THRB: variants seen among roughly 807,000 people sequenced by gnomAD.
The protein encoded by THRB is thyroid hormone receptor beta, also known as nuclear receptor subfamily 1 group A member 2.
THRB carries 12 observed loss-of-function variants against 47.8 expected under a neutral mutation model. The ratio of observed to expected loss-of-function variants is 0.25; its 90% confidence interval spans 0.16 to 0.41. The LOEUF is 0.41. Ranked by LOEUF, THRB falls within the 10% of genes least tolerant of loss-of-function variation. The pLI is 1.00. For synonymous variants in THRB, 218 were observed against 212.2 expected (o/e 1.03, Z -0.24); for missense variants, 348 against 589.2 (o/e 0.59, Z 4.24).
rs151083149 is a variant in THRB at position 24,489,157 on chromosome 3, C to T, written c.-261+5495G>A. 8.7e-3 allele frequency among the ~76,000 whole-genome samples: 1,323 copies of T among 151,848 alleles called. 26 individuals carry two copies. The highest frequency in any genetic ancestry group is 0.029 in the African/African-American group (1,189 of 41,370). Reference sequence around the variant, plus strand: ...TAATTACGGCTAAGGCACAAGAATCCCTTGAACCTAGGAGGTGGAGGTTGC... The same window carrying T: ...TAATTACGGCTAAGGCACAAGAATCTCTTGAACCTAGGAGGTGGAGGTTGC... On this transcript the variant is annotated intron_variant, in intron 1 of 10. Transcript: ENST00000646209.
intron 2 of THRB, among the ~76,000 whole-genome samples, chr3:24,323,749 T>C (rs1020476094): frequency 3.3e-5 from 5 of 152,226 alleles, no homozygotes; most frequent in East Asian, 1.9e-4. Flanking sequence ...TAGAAATTTA[T>C]CTAAATAGGA....
chr3:24,133,442 T>A lies in THRB; in HGVS notation c.759A>T (p.Ala253=). 1 of 1,614,120 alleles carries A rather than the reference T, an allele frequency of 6.2e-7. No homozygotes were observed. The highest frequency in any genetic ancestry group is 8.5e-7 in the Non-Finnish European group (1 of 1,180,010). The change falls in exon 9 of 11, where the codon GCA becomes GCT. Residue 253 remains alanine, a synonymous_variant. Coordinates refer to ENST00000646209, the MANE Select transcript of THRB (RefSeq NM_001354712.2). ...CACCTTCTGGGGCATTGACTATTGGTGCTTGTCCAATGTCTTCTGGCTAAG... is the reference window on the plus strand; with the variant it reads ...CACCTTCTGGGGCATTGACTATTGGAGCTTGTCCAATGTCTTCTGGCTAAG... ...RKFLPEDIGQ[A]PIVNAPEGGK...
At chr3:24,447,096 C>A (rs952376249) in intron 1 of THRB, among the ~76,000 whole-genome samples, 3 of 152,116 alleles carry the variant, frequency 2.0e-5, no homozygotes, top group Non-Finnish European at 2.9e-5. Context: ...AACTATTTAG[C>A]AACATATATT....
chr3:24,126,521 C>T (rs2032848085), intron 10 of THRB, among the ~76,000 whole-genome samples: 1 of 152,208 alleles, frequency 6.6e-6, no homozygotes, highest in African/African-American at 2.4e-5. Context: ...CTATTGCACA[C>T]TGGCCTAGGT....
At chr3:24,388,951 C>T (rs889723726) in intron 1 of THRB, among the ~76,000 whole-genome samples, 1 of 152,158 alleles carries the variant, frequency 6.6e-6, no homozygotes, top group African/African-American at 2.4e-5. Flanking sequence ...AGCAGCTGTT[C>T]TAATCATGCT....
chr3:24,274,458 A>G (rs1456911478), intron 3 of THRB, among the ~76,000 whole-genome samples: 2 of 152,302 alleles, frequency 1.3e-5, no homozygotes, highest in African/African-American at 4.8e-5. Flanking sequence ...GCACAGTATT[A>G]CCAAATATTA....
In THRB at chr3:24,269,442, C is replaced by CACAT. The variant is rs58200122; in HGVS notation, c.-43+27783_-43+27784insATGT. ...ACACACACACACACACACACACACA[C>CACAT]TTAAGTTATCTTCGCTGTGTTGTCC... On this transcript the variant is annotated intron_variant, in intron 3 of 10. Coordinates refer to ENST00000646209, the MANE Select transcript of THRB (RefSeq NM_001354712.2). Among the ~76,000 whole-genome samples the CACAT allele has an allele frequency of 5.0e-3, 700 of 141,008 alleles. 14 individuals carry two copies. The highest frequency in any genetic ancestry group is 0.02 in the East Asian group (92 of 4,564). 92.5% of individuals were successfully genotyped at this position (141,008 alleles called of 152,430 possible). A position where few individuals can be genotyped will look rare whatever the true frequency, so the allele number is the denominator to read the frequency against.
chr3:24,303,685 A>G (rs1035974980), intron 2 of THRB, among the ~76,000 whole-genome samples: 8 of 152,176 alleles, frequency 5.3e-5, no homozygotes, highest in Admixed American at 2.6e-4. Flanking sequence ...TCTTACGTCT[A>G]ATTTTACTAC....
chr3:24,368,923 C>T (rs1412112013), intron 1 of THRB, among the ~76,000 whole-genome samples: 6 of 152,228 alleles, frequency 3.9e-5, no homozygotes, highest in East Asian at 1.9e-4. Flanking sequence ...TATGAAGGTT[C>T]GGAGGGGAGA....
chr3:24,138,215 C>T (rs2034951918), intron 8 of THRB, among the ~76,000 whole-genome samples: 2 of 152,234 alleles, frequency 1.3e-5, no homozygotes, highest in Admixed American at 6.5e-5. Context: ...CTGACACATG[C>T]AGAATGGAGT....
chr3:24,398,931 A>G (rs1304321571), intron 1 of THRB, among the ~76,000 whole-genome samples: 1 of 152,144 alleles, frequency 6.6e-6, no homozygotes, highest in East Asian at 1.9e-4. Flanking sequence ...CTTTGTAGGG[A>G]GATGGATGAA....
intron 1 of THRB, among the ~76,000 whole-genome samples, chr3:24,406,240 A>C (rs1207159641): frequency 6.6e-6 from 1 of 151,648 alleles, no homozygotes; most frequent in Non-Finnish European, 1.5e-5. Flanking sequence ...CTCATTTTGA[A>C]ATATATAGAG....
intron 1 of THRB, among the ~76,000 whole-genome samples, chr3:24,470,796 TA>T (rs1425377811): frequency 1.3e-5 from 2 of 152,106 alleles, no homozygotes; most frequent in Non-Finnish European, 2.9e-5. Flanking sequence ...TTTGTATTTT[TA>T]GTAGAGAGGG....
intron 2 of THRB, among the ~76,000 whole-genome samples, chr3:24,301,556 G>A (rs1365262191): frequency 1.3e-5 from 2 of 151,710 alleles, no homozygotes; most frequent in East Asian, 3.9e-4. Flanking sequence ...AAATTACATG[G>A]TACAGTATGC....
chr3:24,447,456 G>C (rs1350217976), intron 1 of THRB, among the ~76,000 whole-genome samples: 1 of 152,156 alleles, frequency 6.6e-6, no homozygotes, highest in Non-Finnish European at 1.5e-5. Context: ...AGTAATGGGA[G>C]GGTTTGATCT....
intron 9 of THRB, among the ~76,000 whole-genome samples, chr3:24,132,806 A>T (rs1177137287): frequency 6.6e-6 from 1 of 152,232 alleles, no homozygotes; most frequent in African/African-American, 2.4e-5. Flanking sequence ...ATTCTTGAGG[A>T]TTAAGAAACG....
chr3:24,471,541 G>T (rs76374773), intron 1 of THRB, among the ~76,000 whole-genome samples: 3,555 of 152,146 alleles, frequency 0.023, 75 homozygotes, highest in East Asian at 0.086. Context: ...AGTCCCTCAA[G>T]ATCTCTCTAA....
intron 2 of THRB, among the ~76,000 whole-genome samples, chr3:24,313,262 C>A (rs1284518929): frequency 6.6e-6 from 1 of 152,186 alleles, no homozygotes; most frequent in African/African-American, 2.4e-5. Context: ...TCATTGTCTG[C>A]ACCACTCATC....
intron 2 of THRB, among the ~76,000 whole-genome samples, chr3:24,307,479 C>A (rs1018668706): frequency 6.6e-6 from 1 of 152,074 alleles, no homozygotes; most frequent in Non-Finnish European, 1.5e-5. Context: ...CACGCTATAA[C>A]CTCTTCATAA....
Sources: gnomAD v4.1 joint callset for allele counts (sites outside exome capture counted in the v4.1 genomes callset) on GRCh38, gnomAD v4.1.1 for gene constraint, MANE v1.5 for transcripts, NCBI Gene and HGNC (gene_info 2026-07-23, HGNC 2026-07-21) for gene names.